ARHGAP15: variants seen among roughly 807,000 people sequenced by gnomAD.
The protein encoded by ARHGAP15 is rho GTPase-activating protein 15.
Under a neutral mutation model 63.7 loss-of-function variants are expected in ARHGAP15, and 51 were observed. The observed-to-expected ratio is 0.80, with a 90% CI of 0.64 to 1.01. The LOEUF (loss-of-function observed/expected upper bound fraction) is 1.01, where lower values mean the gene tolerates loss of function less well. Ranked by LOEUF, ARHGAP15 falls within the 50% of genes least tolerant of loss-of-function variation. The pLI is 0.00. For synonymous variants in ARHGAP15, 191 were observed against 193.8 expected, an observed-to-expected ratio of 0.99 and a Z score of 0.12; for missense variants, 560 against 564.6, an observed-to-expected ratio of 0.99 and a Z score of 0.08.
intron 10 of ARHGAP15, chr2:143,533,189 T>A (rs1184347973): frequency 6.6e-6 from 1 of 152,226 alleles, no homozygotes; most frequent in Admixed American, 6.5e-5. Flanking sequence ...ACTTGTTGAA[T>A]GTTGAAAGAC....
chr2:143,357,969 G>GA (rs926878586), intron 6 of ARHGAP15, among the ~76,000 whole-genome samples: 4 of 152,146 alleles, frequency 2.6e-5, no homozygotes, highest in African/African-American at 4.8e-5. Context: ...TAAGGAGAAT[G>GA]AAAAAAATGG....
chr2:143,690,460 A>G (rs1398436935), intron 12 of ARHGAP15, among the ~76,000 whole-genome samples: 1 of 152,152 alleles, frequency 6.6e-6, no homozygotes, highest in Admixed American at 6.5e-5. Flanking sequence ...CTACTTCTTT[A>G]CAGTTGCTGT....
chr2:143,534,765 G>A (rs947126700), intron 10 of ARHGAP15, among the ~76,000 whole-genome samples: 7 of 151,724 alleles, frequency 4.6e-5, no homozygotes, highest in East Asian at 1.9e-4. Context: ...GCCTGCAGTC[G>A]CCAGCTACTT....
chr2:143,668,355 C>G (rs1346210266), intron 12 of ARHGAP15, among the ~76,000 whole-genome samples: 6 of 151,632 alleles, frequency 4.0e-5, no homozygotes, highest in Non-Finnish European at 7.4e-5. Flanking sequence ...GCTTTCAGCT[C>G]TGAATGGCTA....
At chr2:143,411,222 G>A (rs1255030214) in intron 6 of ARHGAP15, among the ~76,000 whole-genome samples, 1 of 126,114 alleles carries the variant, frequency 7.9e-6, no homozygotes, top group African/African-American at 2.9e-5. Context: ...AAAGAAGAAA[G>A]AAAATATAGT....
At chr2:143,497,330 C>T (rs1336358628) in intron 9 of ARHGAP15, among the ~76,000 whole-genome samples, 1 of 152,202 alleles carries the variant, frequency 6.6e-6, no homozygotes, top group Admixed American at 6.5e-5. Context: ...GTCTGCTGCG[C>T]TCTGGAGAGA....
chr2:143,276,434 T>G (rs1558861063), intron 6 of ARHGAP15, among the ~76,000 whole-genome samples: 1 of 152,260 alleles, frequency 6.6e-6, no homozygotes, highest in African/African-American at 2.4e-5. Flanking sequence ...AGAGGTGGGT[T>G]GCCTGTAGTG....
intron 6 of ARHGAP15, among the ~76,000 whole-genome samples, chr2:143,298,576 A>G (rs1558874735): frequency 6.6e-6 from 1 of 151,966 alleles, no homozygotes; most frequent in Non-Finnish European, 1.5e-5. Flanking sequence ...ATCGATTTGA[A>G]TCTCATTTGA....
chr2:143,150,047 G>C (rs1015331336), intron 1 of ARHGAP15, among the ~76,000 whole-genome samples: 1 of 151,874 alleles, frequency 6.6e-6, no homozygotes, highest in Non-Finnish European at 1.5e-5. Context: ...AAGGATGCTG[G>C]GGGGTGTGGG....
chr2:143,163,068 T>C (rs932253434), intron 2 of ARHGAP15, among the ~76,000 whole-genome samples: 13 of 152,046 alleles, frequency 8.6e-5, no homozygotes, highest in Admixed American at 8.5e-4. Context: ...ACACAGTATG[T>C]CAAATATTAT....
intron 11 of ARHGAP15, among the ~76,000 whole-genome samples, chr2:143,596,326 G>T (rs527311641): frequency 6.6e-6 from 1 of 152,030 alleles, no homozygotes. Context: ...CAAGCAAAAG[G>T]TTGTATTTTT....
At chr2:143,140,369 G>T (rs1287040140) in intron 1 of ARHGAP15, among the ~76,000 whole-genome samples, 1 of 151,914 alleles carries the variant, frequency 6.6e-6, no homozygotes, top group African/African-American at 2.4e-5. Flanking sequence ...TAATTATGAA[G>T]AATTAATATT....
intron 6 of ARHGAP15, among the ~76,000 whole-genome samples, chr2:143,390,482 T>A (rs1173451619): frequency 2.6e-5 from 4 of 152,084 alleles, no homozygotes; most frequent in Non-Finnish European, 5.9e-5. Context: ...AAAGAGACTG[T>A]GAGAGGACAT....
chr2:143,639,879 T>C (rs1327367964), intron 12 of ARHGAP15, among the ~76,000 whole-genome samples: 1 of 152,150 alleles, frequency 6.6e-6, no homozygotes, highest in African/African-American at 2.4e-5. Flanking sequence ...TAAAAAATGT[T>C]TAACGTCTTT....
At chr2:143,470,305 AAAG>A (rs1436937614) in intron 8 of ARHGAP15, among the ~76,000 whole-genome samples, 33 of 151,458 alleles carry the variant, frequency 2.2e-4, no homozygotes, top group Non-Finnish European at 4.3e-4. Context: ...AAAAAAAAAA[AAAG>A]GGAACTGAGA....
intron 11 of ARHGAP15, among the ~76,000 whole-genome samples, chr2:143,584,548 C>A (rs1014505589): frequency 2.0e-5 from 3 of 151,994 alleles, no homozygotes; most frequent in Admixed American, 6.6e-5. Flanking sequence ...TGCTTGAACC[C>A]CCAGGAGGCG....
At chr2:143,344,408 G>A (rs1250289792) in intron 6 of ARHGAP15, among the ~76,000 whole-genome samples, 1 of 152,074 alleles carries the variant, frequency 6.6e-6, no homozygotes, top group Admixed American at 6.6e-5. Context: ...TAAGCCTTTA[G>A]TTATGTAATT....
At chr2:143,494,827 A>G (rs918268344) in intron 9 of ARHGAP15, among the ~76,000 whole-genome samples, 2 of 152,198 alleles carry the variant, frequency 1.3e-5, no homozygotes, top group Non-Finnish European at 2.9e-5. Context: ...CAAATATCAT[A>G]TATTTTCAAA....
At chr2:143,435,290 G>A in intron 6 of ARHGAP15, 1 of 1,035,350 alleles carries the variant, frequency 9.7e-7, no homozygotes, top group Non-Finnish European at 1.2e-6. Flanking sequence ...TCTGACTTAA[G>A]TGTGTACTGT....
Sources: gnomAD v4.1 joint callset for allele counts (sites outside exome capture counted in the v4.1 genomes callset) on GRCh38, gnomAD v4.1.1 for gene constraint, MANE v1.5 for transcripts, NCBI Gene and HGNC (gene_info 2026-07-23, HGNC 2026-07-21) for gene names.